THSD7A: variants seen among roughly 807,000 people sequenced by gnomAD.
THSD7A encodes the protein thrombospondin type-1 domain-containing protein 7A.
A neutral mutation model predicts 231.3 loss-of-function variants in THSD7A; 96 were observed. The ratio of observed to expected loss-of-function variants is 0.41; its 90% confidence interval spans 0.35 to 0.49. THSD7A has a LOEUF of 0.49. Among genes scored for constraint, THSD7A ranks in the 20% least tolerant of loss-of-function variants. The pLI, the probability that THSD7A is intolerant of heterozygous loss-of-function variation, is 0.05. For synonymous variants in THSD7A, 940 were observed against 743.3 expected (o/e 1.26, Z -4.30); for missense variants, 2,290 against 2,070.2 (o/e 1.11, Z -2.06).
At chr7:11,502,873 A>G (rs888029839) in intron 6 of THSD7A, among the ~76,000 whole-genome samples, 2 of 152,218 alleles carry the variant, frequency 1.3e-5, no homozygotes, top group African/African-American at 2.4e-5. Context: ...AAATGGCTAT[A>G]CTGCCCAAAG....
chr7:11,772,232 T>A (rs1253726269), intron 1 of THSD7A, among the ~76,000 whole-genome samples: 2 of 151,404 alleles, frequency 1.3e-5, no homozygotes, highest in East Asian at 3.9e-4. Context: ...ACAAAACAGA[T>A]GCTGGCAATG....
chr7:11,759,949 A>C (rs1038582395), intron 1 of THSD7A, among the ~76,000 whole-genome samples: 1 of 152,086 alleles, frequency 6.6e-6, no homozygotes, highest in African/African-American at 2.4e-5. Context: ...GATCTAAGTC[A>C]CCATTGACTG....
chr7:11,788,497 T>A (rs903139604), intron 1 of THSD7A, among the ~76,000 whole-genome samples: 1 of 152,108 alleles, frequency 6.6e-6, no homozygotes, highest in Non-Finnish European at 1.5e-5. Flanking sequence ...CTTGAAAATG[T>A]CTTCCTTTCA....
chr7:11,653,361 G>A (rs962133098), intron 1 of THSD7A, among the ~76,000 whole-genome samples: 3 of 151,188 alleles, frequency 2.0e-5, no homozygotes, highest in African/African-American at 2.4e-5. Flanking sequence ...TTGTCCCCAA[G>A]CCAATTTGCT....
intron 1 of THSD7A, among the ~76,000 whole-genome samples, chr7:11,765,583 C>T (rs1415368988): frequency 2.0e-5 from 3 of 152,096 alleles, no homozygotes; most frequent in African/African-American, 7.2e-5. Flanking sequence ...CTTTGACTAT[C>T]GCCAACTTAA....
intron 1 of THSD7A, among the ~76,000 whole-genome samples, chr7:11,749,112 G>A (rs1782414791): frequency 6.6e-6 from 1 of 151,960 alleles, no homozygotes; most frequent in Admixed American, 6.6e-5. Context: ...CGGTCATGAG[G>A]CACATATGGC....
intron 4 of THSD7A, among the ~76,000 whole-genome samples, chr7:11,566,839 T>C (rs35025590): frequency 0.23 from 35,507 of 151,680 alleles, 4,504 homozygotes; most frequent in African/African-American, 0.33. Context: ...TCAAAAATAT[T>C]TGTCATTGAA....
intron 4 of THSD7A, among the ~76,000 whole-genome samples, chr7:11,546,203 C>CGCGCGCGCG (rs1562706160): frequency 1.4e-4 from 5 of 34,936 alleles, no homozygotes; most frequent in African/African-American, 6.4e-4. Context: ...TGGGCGCGCG[C>CGCGCGCGCG]TCACACACAC....
At chr7:11,830,537 T>C (rs1583325689) in intron 1 of THSD7A, among the ~76,000 whole-genome samples, 1 of 152,270 alleles carries the variant, frequency 6.6e-6, no homozygotes, top group African/African-American at 2.4e-5. Context: ...ACTTAAGGTG[T>C]TAGCAAGAAT....
intron 17 of THSD7A, among the ~76,000 whole-genome samples, chr7:11,416,571 G>A (rs1355976225): frequency 2.0e-5 from 3 of 152,132 alleles, no homozygotes; most frequent in Non-Finnish European, 4.4e-5. Flanking sequence ...TCAGTTGTCT[G>A]CTAATCAGTA....
At position 11,637,463 on chromosome 7, in the gene THSD7A, G is replaced by T. The variant is rs899381875; in HGVS notation, c.191-502C>A. 6.6e-6 allele frequency among the ~76,000 whole-genome samples: 1 copy of T among 152,156 alleles called. No individual in the cohort carries two copies. Among genetic ancestry groups the T allele is most frequent in the Non-Finnish European group, 1.5e-5 (1 of 68,038 alleles). On this transcript the variant is annotated intron_variant, in intron 1 of 27. Transcript: ENST00000423059. This position sits in a 1 kb window ranked among gnomAD's most constrained non-coding sequence, Gnocchi z 4.2. The stretch of plus-strand genomic sequence containing the variant: ...TATTTTATTTTCATAGACTATGACT[G>T]CAAGGGTCTAATAGTTGTATATCAT...
chr7:11,769,125 A>G (rs1440792569), intron 1 of THSD7A, among the ~76,000 whole-genome samples: 1 of 28,812 alleles, frequency 3.5e-5, no homozygotes, highest in Non-Finnish European at 7.9e-5. Context: ...TCCTGGCAAT[A>G]TATATATATA....
At chr7:11,397,396 A>G (rs777805265) in intron 23 of THSD7A, among the ~76,000 whole-genome samples, 1 of 152,212 alleles carries the variant, frequency 6.6e-6, no homozygotes, top group Admixed American at 6.5e-5. Flanking sequence ...CTTACACCTT[A>G]TACAGAAATT....
At chr7:11,679,631 C>A (rs990657903) in intron 1 of THSD7A, among the ~76,000 whole-genome samples, 5 of 152,062 alleles carry the variant, frequency 3.3e-5, no homozygotes, top group African/African-American at 1.2e-4. Context: ...AGGAATACAA[C>A]TTACAAGGGA....
intron 13 of THSD7A, among the ~76,000 whole-genome samples, chr7:11,437,376 T>C (rs984817489): frequency 8.5e-5 from 13 of 152,098 alleles, no homozygotes; most frequent in African/African-American, 2.7e-4. Context: ...CCCTAGGCAA[T>C]TGCTTTCTCT....
rs1029223638 is a variant in THSD7A, at chr7:11,533,497, G to A, written c.1822+7922C>T. 7.9e-5 allele frequency among the ~76,000 whole-genome samples: 12 copies of A among 152,224 alleles called. 1 individual carries two copies. The highest frequency in any genetic ancestry group is 3.4e-3 in the Middle Eastern group (1 of 294). On this transcript the variant is annotated intron_variant, in intron 6 of 27. Transcript: ENST00000423059. ...GCAAAGACATGGAACCAACCCAAAT[G>A]TCCATCAAAGATAGATTGGATAAAG...
chr7:11,643,095 T>C (rs1725452), intron 1 of THSD7A, among the ~76,000 whole-genome samples: 47,194 of 151,904 alleles, frequency 0.31, 8,344 homozygotes, highest in Non-Finnish European at 0.41. Flanking sequence ...AACTACTTTT[T>C]GTGCTTGTTT....
chr7:11,473,597 A>G (rs1786024053), intron 8 of THSD7A, among the ~76,000 whole-genome samples: 1 of 152,128 alleles, frequency 6.6e-6, no homozygotes, highest in Admixed American at 6.6e-5. Flanking sequence ...TCAATTTTTT[A>G]GAGTAGATTT....
At chr7:11,828,822 G>A (rs1231094206) in intron 1 of THSD7A, among the ~76,000 whole-genome samples, 3 of 151,922 alleles carry the variant, frequency 2.0e-5, no homozygotes, top group Admixed American at 2.0e-4. Context: ...TGTACAGTTG[G>A]CTCTTGAACA....
Sources: gnomAD v4.1 joint callset for allele counts (sites outside exome capture counted in the v4.1 genomes callset) on GRCh38, gnomAD v4.1.1 for gene constraint, Gnocchi (gnomAD v3.1) non-coding constraint, MANE v1.5 for transcripts, NCBI Gene and HGNC (gene_info 2026-07-23, HGNC 2026-07-21) for gene names.